Variants in CPNE8 observed in about 807,000 individuals in gnomAD.
CPNE8 encodes the protein copine-8.
CPNE8 carries 45 observed loss-of-function variants against 81.5 expected under a neutral mutation model. The observed-to-expected ratio is 0.55, with a 90% CI of 0.44 to 0.71. The LOEUF is 0.71. Among genes scored for constraint, CPNE8 ranks in the 30% least tolerant of loss-of-function variants. The probability of loss-of-function intolerance (pLI) is 0.00; values close to 1 mark genes in which losing one functional copy is unlikely to be tolerated. For synonymous variants in CPNE8, 252 were observed against 226.3 expected, an observed-to-expected ratio of 1.11 and a Z score of -1.02; for missense variants, 594 against 672.1, an observed-to-expected ratio of 0.88 and a Z score of 1.28.
At chr12:38,776,344 T>C in intron 6 of CPNE8, 43 bp from the exon 7 acceptor site, 1 of 664,254 alleles carries the variant, frequency 1.5e-6, no homozygotes. Flanking sequence ...ATATGTTATA[T>C]TAATACTATA....
At chr12:38,879,032 C>T (rs1944108854) in intron 1 of CPNE8, among the ~76,000 whole-genome samples, 1 of 152,128 alleles carries the variant, frequency 6.6e-6, no homozygotes, top group Non-Finnish European at 1.5e-5. Flanking sequence ...CTTATTCCAA[C>T]TATTTTTCAA....
At chr12:38,662,734 A>C (rs1302662873) in intron 19 of CPNE8, among the ~76,000 whole-genome samples, 1 of 152,164 alleles carries the variant, frequency 6.6e-6, no homozygotes, top group African/African-American at 2.4e-5. Context: ...ACCTGACTTC[A>C]AAATATATTA....
chr12:38,718,780 GC>G (rs1940475215), intron 13 of CPNE8, among the ~76,000 whole-genome samples: 1 of 152,062 alleles, frequency 6.6e-6, no homozygotes, highest in Admixed American at 6.5e-5. Flanking sequence ...TTACATTGCA[GC>G]TTTGTTTATA....
chr12:38,793,898 G>A (rs2136935463), intron 6 of CPNE8, among the ~76,000 whole-genome samples: 1 of 152,074 alleles, frequency 6.6e-6, no homozygotes, highest in Non-Finnish European at 1.5e-5. Flanking sequence ...ATAATACAGA[G>A]CTCAGAAATA....
intron 15 of CPNE8, among the ~76,000 whole-genome samples, chr12:38,692,112 T>C (rs11169144): frequency 0.52 from 78,200 of 151,556 alleles, 21,346 homozygotes; most frequent in East Asian, 0.81. Context: ...GCCAACACAG[T>C]GAAACCCCAT....
chr12:38,737,386 A>G (rs1176122764), intron 10 of CPNE8, among the ~76,000 whole-genome samples: 3 of 152,168 alleles, frequency 2.0e-5, no homozygotes, highest in East Asian at 1.9e-4. Flanking sequence ...TCAAAAGTAG[A>G]CAAGACAAAA....
chr12:38,679,085 G>T (rs113997944), intron 16 of CPNE8, among the ~76,000 whole-genome samples: 1 of 151,702 alleles, frequency 6.6e-6, no homozygotes, highest in South Asian at 2.1e-4. Flanking sequence ...CTATGATTCA[G>T]AAAGATAGGG....
At chr12:38,782,287 A>G (rs1942071203) in intron 6 of CPNE8, among the ~76,000 whole-genome samples, 1 of 152,150 alleles carries the variant, frequency 6.6e-6, no homozygotes, top group Non-Finnish European at 1.5e-5. Context: ...GTTAAAAGAG[A>G]CTAGAATTAA....
In CPNE8 at chr12:38,775,717, G is replaced by GGAAC. The variant is rs1473130720; in HGVS notation, c.471+520_471+521insGTTC. Among the ~76,000 whole-genome samples, 6 of 152,178 alleles carry GGAAC rather than the reference G, an allele frequency of 3.9e-5. No individual in the cohort carries two copies. The East Asian group carries it at 7.7e-4, about 20-fold the overall frequency. ...TAAAAATACAGAGTATGCACTCTCT[G>GGAAC]TAGTCATACTGCTAGCTGTAGTGGC... On this transcript the variant is annotated intron_variant, in intron 7 of 19. Transcript: ENST00000331366.
chr12:38,867,983 T>G (rs1178321079), intron 3 of CPNE8, among the ~76,000 whole-genome samples: 1 of 152,190 alleles, frequency 6.6e-6, no homozygotes, highest in Non-Finnish European at 1.5e-5. Flanking sequence ...AATTTTATAT[T>G]TATTTGGAGC....
intron 6 of CPNE8, among the ~76,000 whole-genome samples, chr12:38,786,517 T>C (rs1942190743): frequency 6.6e-6 from 1 of 152,124 alleles, no homozygotes; most frequent in African/African-American, 2.4e-5. Context: ...TTCTTCAGTT[T>C]TGGAACTTGG....
At chr12:38,657,271 A>G (rs546203167) in intron 19 of CPNE8, among the ~76,000 whole-genome samples, 18 of 152,288 alleles carry the variant, frequency 1.2e-4, no homozygotes, top group Non-Finnish European at 2.5e-4. Context: ...AGCCTTGCTC[A>G]TAGCCAGTGC....
intron 10 of CPNE8, among the ~76,000 whole-genome samples, chr12:38,745,457 C>T (rs905610609): frequency 1.3e-5 from 2 of 152,186 alleles, no homozygotes; most frequent in Admixed American, 6.5e-5. Flanking sequence ...GGATAGCAAT[C>T]ATCTTTAAAT....
At chr12:38,770,637 G>C (rs921372275) in intron 7 of CPNE8, among the ~76,000 whole-genome samples, 1 of 152,118 alleles carries the variant, frequency 6.6e-6, no homozygotes, top group Non-Finnish European at 1.5e-5. Context: ...AATGGGTTCT[G>C]ACCAGCCTTT....
At chr12:38,787,300 G>A (rs1942215662) in intron 6 of CPNE8, among the ~76,000 whole-genome samples, 1 of 151,550 alleles carries the variant, frequency 6.6e-6, no homozygotes, top group African/African-American at 2.4e-5. Context: ...AACCACAAGG[G>A]GAATTTGAGA....
intron 5 of CPNE8, among the ~76,000 whole-genome samples, chr12:38,834,504 G>A (rs188652893): frequency 1.7e-4 from 26 of 152,200 alleles, no homozygotes; most frequent in Admixed American, 1.4e-3. Context: ...TTCATCATCA[G>A]TCATACTACC....
At chr12:38,741,835 C>CA (rs560621211) in intron 10 of CPNE8, among the ~76,000 whole-genome samples, 216 of 148,828 alleles carry the variant, frequency 1.5e-3, no homozygotes, top group African/African-American at 5.2e-3. Flanking sequence ...AGAAAAAAAA[C>CA]AAACAACCCC....
At chr12:38,863,879 G>A (rs1461141501) in intron 3 of CPNE8, among the ~76,000 whole-genome samples, 2 of 151,708 alleles carry the variant, frequency 1.3e-5, no homozygotes, top group East Asian at 1.9e-4. Flanking sequence ...GTGAAACCCC[G>A]TCTCTACTAA....
At chr12:38,835,473 C>T (rs1021381088) in intron 5 of CPNE8, among the ~76,000 whole-genome samples, 2 of 152,238 alleles carry the variant, frequency 1.3e-5, no homozygotes, top group Non-Finnish European at 2.9e-5. Context: ...ATCTGCTTAC[C>T]TCACCTCTTC....
Sources: allele counts gnomAD v4.1 joint callset (sites outside exome capture counted in the v4.1 genomes callset), GRCh38; gene constraint gnomAD v4.1.1; transcripts MANE v1.5; gene names NCBI Gene and HGNC (gene_info 2026-07-23, HGNC 2026-07-21).